Variants in PTPRD observed in about 807,000 individuals in gnomAD.
PTPRD encodes the protein receptor-type tyrosine-protein phosphatase delta.
A neutral mutation model predicts 214.5 loss-of-function variants in PTPRD; 34 were observed. The ratio of observed to expected loss-of-function variants is 0.16; its 90% CI spans 0.12 to 0.21. PTPRD has a LOEUF of 0.21. Ranked by LOEUF, PTPRD falls within the 10% of genes least tolerant of loss-of-function variation. PTPRD has a pLI of 1.00. For missense variants in PTPRD, 2,545 were observed against 2,398.7 expected (o/e 1.06, Z -1.27); for synonymous variants, 1,128 against 845.7 (o/e 1.33, Z -5.79).
intron 4 of PTPRD, among the ~76,000 whole-genome samples, chr9:10,022,453 C>T (rs948977655): frequency 2.0e-5 from 3 of 151,246 alleles, no homozygotes. Flanking sequence ...GAATCACTTT[C>T]CCTTTCATAT....
At chr9:9,237,704 T>C (rs887442675) in intron 9 of PTPRD, among the ~76,000 whole-genome samples, 3 of 152,102 alleles carry the variant, frequency 2.0e-5, no homozygotes, top group African/African-American at 7.2e-5. Context: ...CTATAAATTT[T>C]TGTAGGCCTC....
chr9:9,730,970 C>A (rs546244966), intron 7 of PTPRD, among the ~76,000 whole-genome samples: 10 of 151,984 alleles, frequency 6.6e-5, no homozygotes, highest in African/African-American at 2.4e-4. Flanking sequence ...AATCCAGGTG[C>A]AGAAAATAAA....
chr9:8,314,806 G>T lies in PTPRD; in HGVS notation c.*3068C>A, dbSNP rs2130088848. ...TTCCGAAGCAGTTTCTTACAGATGGGTTCAAGTAATATCATTATTGGGTGT... is the reference window on the plus strand; with the variant it reads ...TTCCGAAGCAGTTTCTTACAGATGGTTTCAAGTAATATCATTATTGGGTGT... On this transcript the variant is annotated 3_prime_UTR_variant, in exon 46 of 46. Coordinates refer to ENST00000381196, the MANE Select transcript of PTPRD (RefSeq NM_002839.4). The T allele has an allele frequency of 4.3e-6, 1 of 232,258 alleles. No homozygotes were observed. The highest frequency in any genetic ancestry group is 5.6e-5 in the Admixed American group (1 of 17,718). The allele number at this position is 232,258 out of a possible 1,614,324, so 14.4% of individuals were successfully genotyped here. A position where few individuals can be genotyped will look rare whatever the true frequency, so the allele number is the denominator to read the frequency against.
Position 8,452,916 on chromosome 9 carries a change from C to T in PTPRD, c.3876-3079G>A, listed in dbSNP as rs959532996. ...AGATATACAGACATGTGAGAAGAGGCTTTTGAAAGAAACATATACTTATTA... is the reference window on the plus strand; with the variant it reads ...AGATATACAGACATGTGAGAAGAGGTTTTTGAAAGAAACATATACTTATTA... On this transcript the variant is annotated intron_variant, in intron 33 of 45. Transcript: ENST00000381196. 2.6e-5 allele frequency among the ~76,000 whole-genome samples: 4 copies of T among 152,110 alleles called. No individual in the cohort carries two copies. In the East Asian group the frequency reaches 7.7e-4, roughly 29 times the overall value.
At chr9:9,238,236 G>C (rs1160707730) in intron 9 of PTPRD, among the ~76,000 whole-genome samples, 1 of 152,046 alleles carries the variant, frequency 6.6e-6, no homozygotes, top group Admixed American at 6.6e-5. Flanking sequence ...AAGCTCTGCT[G>C]TGTTTTGCAT....
chr9:10,012,719 G>C (rs898971454), intron 4 of PTPRD, among the ~76,000 whole-genome samples: 4 of 151,816 alleles, frequency 2.6e-5, no homozygotes, highest in East Asian at 1.9e-4. Flanking sequence ...CTCAATATTT[G>C]GGTCATGTGT....
At chr9:8,340,804 C>A (rs1050621536) in intron 41 of PTPRD, among the ~76,000 whole-genome samples, 1 of 152,100 alleles carries the variant, frequency 6.6e-6, no homozygotes, top group Non-Finnish European at 1.5e-5. Context: ...TATTCTCACA[C>A]AATCTATTAA....
At chr9:9,855,759 T>C (rs1459283912) in intron 5 of PTPRD, among the ~76,000 whole-genome samples, 1 of 152,076 alleles carries the variant, frequency 6.6e-6, no homozygotes, top group African/African-American at 2.4e-5. Flanking sequence ...AGGAGCAAAC[T>C]TTGTGCGGGC....
chr9:9,625,629 G>T (rs1266928270), intron 7 of PTPRD, among the ~76,000 whole-genome samples: 3 of 151,904 alleles, frequency 2.0e-5, no homozygotes, highest in African/African-American at 7.3e-5. Context: ...AAAACATAAG[G>T]GCTCAAAGTC....
At chr9:9,687,759 G>C (rs999529181) in intron 7 of PTPRD, among the ~76,000 whole-genome samples, 2 of 151,726 alleles carry the variant, frequency 1.3e-5, no homozygotes, top group Admixed American at 1.3e-4. Flanking sequence ...AAAACAAAAT[G>C]TTGATAACAA....
intron 3 of PTPRD, among the ~76,000 whole-genome samples, chr9:10,259,595 A>AT (rs968673249): frequency 3.3e-5 from 5 of 151,222 alleles, no homozygotes; most frequent in Admixed American, 6.6e-5. Flanking sequence ...AGTGGTGATG[A>AT]TTTTTTTTTC....
At chr9:9,624,282 T>C (rs552056940) in intron 7 of PTPRD, among the ~76,000 whole-genome samples, 1 of 150,214 alleles carries the variant, frequency 6.7e-6, no homozygotes, top group East Asian at 1.9e-4. Context: ...TTTTTTTTTG[T>C]TTGTTTGTTT....
chr9:10,532,753 T>G (rs2056737841), intron 2 of PTPRD, among the ~76,000 whole-genome samples: 1 of 151,796 alleles, frequency 6.6e-6, no homozygotes, highest in Non-Finnish European at 1.5e-5. Context: ...AAAAGTTTTC[T>G]TTTTTGCTTT....
At chr9:9,548,172 G>T (rs1447294834) in intron 8 of PTPRD, among the ~76,000 whole-genome samples, 2 of 151,610 alleles carry the variant, frequency 1.3e-5, no homozygotes, top group East Asian at 2.0e-4. Flanking sequence ...AATGATACTA[G>T]ATAGAAAATT....
At chr9:10,274,389 G>A (rs1251270489) in intron 3 of PTPRD, among the ~76,000 whole-genome samples, 4 of 152,146 alleles carry the variant, frequency 2.6e-5, no homozygotes, top group Admixed American at 2.0e-4. Flanking sequence ...ACAGGAGGCT[G>A]TCTCTAAATA....
At chr9:8,336,298 A>C (rs1287250264) in intron 43 of PTPRD, among the ~76,000 whole-genome samples, 1 of 149,174 alleles carries the variant, frequency 6.7e-6, no homozygotes, top group Non-Finnish European at 1.5e-5. Flanking sequence ...GTAACGCCAC[A>C]CATCTGCAAA....
chr9:9,668,515 C>T (rs1427056227), intron 7 of PTPRD, among the ~76,000 whole-genome samples: 1 of 152,028 alleles, frequency 6.6e-6, no homozygotes, highest in Non-Finnish European at 1.5e-5. Flanking sequence ...CTAAACAGAT[C>T]CAATTAAGTT....
At chr9:8,392,716 C>T (rs1017145843) in intron 36 of PTPRD, among the ~76,000 whole-genome samples, 14 of 152,092 alleles carry the variant, frequency 9.2e-5, no homozygotes, top group Non-Finnish European at 1.6e-4. Context: ...AATCTCTTTA[C>T]GCGCTCTGGT....
At chr9:9,498,960 C>CCT (rs2096298283) in intron 8 of PTPRD, among the ~76,000 whole-genome samples, 3 of 148,676 alleles carry the variant, frequency 2.0e-5, no homozygotes, top group African/African-American at 7.5e-5. Context: ...TCTCTCTCTC[C>CCT]CTCTCTCACT....
Sources: allele counts gnomAD v4.1 joint callset (sites outside exome capture counted in the v4.1 genomes callset), GRCh38; gene constraint gnomAD v4.1.1; transcripts MANE v1.5; gene names NCBI Gene and HGNC (gene_info 2026-07-23, HGNC 2026-07-21).